The following ZNF343 variants were observed in gnomAD, a reference collection of about 807,000 sequenced individuals.
The protein encoded by ZNF343 is zinc finger protein 343.
In ZNF343, 11 loss-of-function variants were observed where a neutral mutation model predicts 13.8. That is an observed-to-expected ratio of 0.80 (90% CI 0.50 to 1.32). ZNF343 has a LOEUF of 1.32. ZNF343 is among the 40% of genes most tolerant of loss of function. The probability of loss-of-function intolerance (pLI) is 0.00; values close to 1 mark genes in which losing one functional copy is unlikely to be tolerated. For missense variants in ZNF343, 658 were observed against 714.2 expected (o/e 0.92, Z 0.90); for synonymous variants, 248 against 260.0 (o/e 0.95, Z 0.44).
rs188100942 is a variant in ZNF343, at chr20:2,492,651, G to A, written c.304+48C>T. 1.3e-3 allele frequency: 2,128 copies of A among 1,591,614 alleles called. 24 individuals are homozygous for A. In the African/African-American group the frequency reaches 0.026, roughly 19 times the overall value. ...TTTTGTGGTACATATTAGGTGATCA[G>A]TAAATCTCTACTGAATTAATGAAGG... is the stretch of plus-strand genomic sequence containing the variant. On this transcript the variant is annotated intron_variant, in intron 5 of 5. Transcript: ENST00000278772.
At chr20:2,512,497 A>G (rs1416306876), upstream of ZNF343, among the ~76,000 whole-genome samples, 2 of 152,386 alleles carry the variant, frequency 1.3e-5, no homozygotes, top group African/African-American at 4.8e-5. Context: ...TTGAAAGTCC[A>G]GAAATGAAAC....
chr20:2,492,393 C>T (rs1285178472), intron 5 of ZNF343, among the ~76,000 whole-genome samples: 1 of 152,200 alleles, frequency 6.6e-6, no homozygotes, highest in East Asian at 1.9e-4. Flanking sequence ...ATTTCAAATA[C>T]CCAGTTTTAA....
Position 2,482,861 on chromosome 20 carries a change from A to C in ZNF343, c.*300T>G. 2.9e-6 allele frequency: 1 copy of C among 350,762 alleles called. No individual in the cohort carries two copies. 21.7% of individuals were successfully genotyped at this position (350,762 alleles called of 1,614,324 possible). On this transcript the variant is annotated 3_prime_UTR_variant, in exon 6 of 6. Coordinates refer to ENST00000278772, the MANE Select transcript of ZNF343 (RefSeq NM_024325.6). ...CTGAGGCTGTCATTGGATGTCTGGT[A>C]AATGTTGATTATTGCTAAAGCCTTC... is the stretch of plus-strand genomic sequence containing the variant.
chr20:2,520,760 C>A (rs372655587), intron 1 of ZNF343, among the ~76,000 whole-genome samples: 1 of 152,186 alleles, frequency 6.6e-6, no homozygotes, highest in South Asian at 2.1e-4. Context: ...TCGTCTTCTA[C>A]GCCGAAAAGT....
rs760426092 is a variant in ZNF343, at chr20:2,484,235, G to A, written c.726C>T (p.Asn242=). The change falls in exon 6 of 6, where the codon AAC becomes AAT. Residue 242 remains asparagine (N), a synonymous_variant. Coordinates refer to ENST00000278772, the MANE Select transcript of ZNF343 (RefSeq NM_024325.6). ...TATGGTCCGGTTCATACTCTCTACA[G>A]TTGATTGCTCCAAATCTCAAGGTTT... ...ELETLRFGAI[N]CREYEPDHNL... The A allele has an allele frequency of 1.9e-6, 3 of 1,614,094 alleles. No individual in the cohort carries two copies. Among genetic ancestry groups the A allele is most frequent in the Non-Finnish European group, 2.5e-6 (3 of 1,180,050 alleles).
chr20:2,506,274 T>C (rs2085654706), intron 1 of ZNF343, among the ~76,000 whole-genome samples: 1 of 152,078 alleles, frequency 6.6e-6, no homozygotes, highest in Non-Finnish European at 1.5e-5. Flanking sequence ...AGAATGGCGA[T>C]CATTAAAAAG....
At chr20:2,491,004 G>C (rs1035678854) in intron 5 of ZNF343, among the ~76,000 whole-genome samples, 1 of 152,112 alleles carries the variant, frequency 6.6e-6, no homozygotes, top group Non-Finnish European at 1.5e-5. Context: ...GATGAAAATG[G>C]AATAAAGTAA....
At position 2,493,885 on chromosome 20, in the gene ZNF343, G is replaced by A; in HGVS notation, c.11C>T (p.Pro4Leu). 1 of 1,612,668 alleles carries A rather than the reference G, an allele frequency of 6.2e-7. No homozygotes were observed. The highest frequency in any genetic ancestry group is 8.5e-7 in the Non-Finnish European group (1 of 1,178,694). MMLPYPSALGDQYW... is the reference protein window; with the variant it reads MMLLYPSALGDQYW... The stretch of plus-strand genomic sequence containing the variant: ...TTGATCTCCCAGTGCTGAAGGATAA[G>A]GCAACATCATGGCGCCAGAGTCAGC... Residue 4 changes from proline (P) to leucine (L), a missense_variant, in exon 3 of 6, where the codon CCT becomes CTT. Pro to Leu is a moderately conservative substitution (Grantham distance 98). Transcript: ENST00000278772.
At chr20:2,523,979 CAAAAA>C (rs56321237) in intron 1 of ZNF343, among the ~76,000 whole-genome samples, 20 of 104,298 alleles carry the variant, frequency 1.9e-4, no homozygotes, top group African/African-American at 6.0e-4. Flanking sequence ...GACCCCGTCT[CAAAAA>C]AAAAAAAAAA....
At chr20:2,511,760 A>C (rs752410181), upstream of ZNF343, among the ~76,000 whole-genome samples, 2 of 152,208 alleles carry the variant, frequency 1.3e-5, no homozygotes, top group Non-Finnish European at 2.9e-5. Flanking sequence ...GCAGTCTCAA[A>C]GCCTACATTC....
At position 2,483,324 on chromosome 20, in the gene ZNF343, TCTC is replaced by T. The variant is rs1568469854; in HGVS notation, c.1634_1636del (p.Gly545del). ...ACACTCACTGCACACGTAAGGCTTC[TCTC>T]CTGAGTGTGTCCTCTCATGTACAAT... is the stretch of plus-strand genomic sequence containing the variant. On this transcript the variant is annotated inframe_deletion, in exon 6 of 6. Coordinates refer to ENST00000278772, the MANE Select transcript of ZNF343 (RefSeq NM_024325.6). The T allele has an allele frequency of 1.2e-6, 2 of 1,611,534 alleles. No homozygotes were observed. The highest frequency in any genetic ancestry group is 2.2e-5 in the East Asian group (1 of 44,676).
rs529358234 is a variant in ZNF343, at chr20:2,492,820, T to C, written c.183A>G (p.Pro61=). The stretch of plus-strand genomic sequence containing the variant: ...TCACAGTCACATCCCTGAATGTAAC[T>C]GGTACCTACAAACAACCAGTAAATT... The part of the protein sequence containing the change: ...KKEGKAQIVV[P]VTFRDVTVIF... The change falls in exon 5 of 6, where the codon CCA becomes CCG. Residue 61 remains proline (P), a synonymous_variant. Coordinates refer to ENST00000278772, the MANE Select transcript of ZNF343 (RefSeq NM_024325.6). 5 of 1,613,270 alleles carry C rather than the reference T, an allele frequency of 3.1e-6. No homozygotes were observed. The South Asian group carries it at 4.4e-5, about 14-fold the overall frequency.
intron 2 of ZNF343, among the ~76,000 whole-genome samples, chr20:2,496,891 A>G (rs2085468345): frequency 6.6e-6 from 1 of 151,964 alleles, no homozygotes; most frequent in Admixed American, 6.6e-5. Context: ...GACCAGCCTG[A>G]CCAACATGGA....
At position 2,493,796 on chromosome 20, in the gene ZNF343, G is replaced by C; in HGVS notation, c.100C>G (p.Gln34Glu). 6.2e-7 allele frequency: 1 copy of C among 1,613,030 alleles called. No homozygotes were observed. The change falls in exon 3 of 6, where the codon CAA (glutamine) becomes GAA (glutamate). Residue 34 changes from glutamine (Q) to glutamate (E), a missense_variant. Gln to Glu is a conservative substitution (Grantham distance 29, BLOSUM62 2). Coordinates refer to ENST00000278772, the MANE Select transcript of ZNF343 (RefSeq NM_024325.6). ...TTCTCACCTTTCGCTTTATGATTTT[G>C]GGTCAATTTCTTCATAGTCTCTACA... is the stretch of plus-strand genomic sequence containing the variant. ...ENVETMKKLT[Q>E]NHKAKGLPSN...
chr20:2,503,845 CAAGAG>C (rs2085610349), intron 1 of ZNF343, among the ~76,000 whole-genome samples: 1 of 151,932 alleles, frequency 6.6e-6, no homozygotes, highest in Non-Finnish European at 1.5e-5. Flanking sequence ...TAAATGCCCA[CAAGAG>C]AAAGCAGGAA....
Position 2,483,134 on chromosome 20 carries a change from G to A in ZNF343, c.*27C>T. ...GACTGGTCACTCAGGTCTTGTTCAT[G>A]ACCCCTGCATACACAGGTTTCTCCC... is the stretch of plus-strand genomic sequence containing the variant. On this transcript the variant is annotated 3_prime_UTR_variant, in exon 6 of 6. Transcript: ENST00000278772. 2 of 1,576,418 alleles carry A rather than the reference G, an allele frequency of 1.3e-6. No homozygotes were observed. Among genetic ancestry groups the A allele is most frequent in the Non-Finnish European group, 1.7e-6 (2 of 1,161,240 alleles).
chr20:2,496,272 C>A (rs1025760116), intron 2 of ZNF343, among the ~76,000 whole-genome samples: 5 of 152,138 alleles, frequency 3.3e-5, no homozygotes, highest in Non-Finnish European at 7.3e-5. Flanking sequence ...ATGTGGGCAA[C>A]TGTGTCAGTA....
intron 5 of ZNF343, chr20:2,486,734 C>G (rs2085287501): frequency 6.6e-6 from 1 of 151,320 alleles, no homozygotes; most frequent in Non-Finnish European, 1.5e-5. Flanking sequence ...CGATTGCACT[C>G]TAGCCTGGGC....
At chr20:2,522,119 A>G (rs2085785179) in intron 1 of ZNF343, among the ~76,000 whole-genome samples, 1 of 152,384 alleles carries the variant, frequency 6.6e-6, no homozygotes, top group South Asian at 2.1e-4. Context: ...ACTGTTACAT[A>G]TGAATTATCT....
Sources: gnomAD v4.1 joint callset for allele counts (sites outside exome capture counted in the v4.1 genomes callset) on GRCh38, gnomAD v4.1.1 for gene constraint, MANE v1.5 for transcripts, NCBI Gene and HGNC (gene_info 2026-07-23, HGNC 2026-07-21) for gene names.